Variants in SARNP observed in about 807,000 individuals in gnomAD.
The protein encoded by SARNP is SAP domain containing ribonucleoprotein.
A neutral mutation model predicts 38.1 loss-of-function variants in SARNP; 5 were observed. The ratio of observed to expected loss-of-function variants is 0.13; its 90% CI spans 0.07 to 0.28. SARNP has a LOEUF of 0.28. Among genes scored for constraint, SARNP ranks in the 10% least tolerant of loss-of-function variants. SARNP has a pLI of 1.00. For missense variants in SARNP, 180 were observed against 243.9 expected (o/e 0.74, Z 1.75); for synonymous variants, 84 against 80.6 (o/e 1.04, Z -0.23).
intron 9 of SARNP, 139 bp from the exon 10 acceptor site, chr12:55,760,779 T>C: frequency 4.7e-6 from 3 of 636,650 alleles, no homozygotes; most frequent in South Asian, 1.9e-5. Flanking sequence ...AGAGATAAGA[T>C]ACATAAGAAA....
intron 4 of SARNP, among the ~76,000 whole-genome samples, chr12:55,796,667 T>C (rs1303660548): frequency 6.6e-6 from 1 of 152,166 alleles, no homozygotes; most frequent in Non-Finnish European, 1.5e-5. Flanking sequence ...CCTCCCAAAG[T>C]ACTGGGATTA....
chr12:55,764,016 C>G (rs1005059610), intron 9 of SARNP, among the ~76,000 whole-genome samples: 4 of 152,126 alleles, frequency 2.6e-5, no homozygotes, highest in African/African-American at 9.7e-5. Flanking sequence ...CACTAGAACC[C>G]TTAGCTAAAA....
chr12:55,807,959 T>A (rs1393813819), intron 1 of SARNP, among the ~76,000 whole-genome samples: 1 of 152,230 alleles, frequency 6.6e-6, no homozygotes, highest in East Asian at 1.9e-4. Context: ...TTATGTTCAC[T>A]GTAGAATAGT....
rs1319106938 is a variant in SARNP, at chr12:55,803,623, A to G, written c.136+6T>C. On this transcript the variant is annotated splice_donor_region_variant and intron_variant, in intron 2 of 10. Transcript: ENST00000336133. ...TCACATCACTCCGCCTCCACAAAGT[A>G]CTCACCATGTTCTTCAAGATATGCC... 1.3e-6 allele frequency: 2 copies of G among 1,581,168 alleles called. No homozygotes were observed. Among genetic ancestry groups the G allele is most frequent in the Non-Finnish European group, 1.7e-6 (2 of 1,153,650 alleles).
intron 9 of SARNP, among the ~76,000 whole-genome samples, chr12:55,766,896 AGTCTCTGCC>A (rs1461449206): frequency 6.6e-6 from 1 of 151,768 alleles, no homozygotes; most frequent in Non-Finnish European, 1.5e-5. Context: ...TCTGCCTCCT[AGTCTCTGCC>A]TCCCAAAGTG....
chr12:55,790,024 C>A (rs1470058270), intron 8 of SARNP, among the ~76,000 whole-genome samples: 2 of 150,602 alleles, frequency 1.3e-5, no homozygotes, highest in Admixed American at 6.6e-5. Context: ...TAAACAGCAA[C>A]CCCTAAAGCA....
At chr12:55,752,931 C>T (rs1375966046), downstream of SARNP, 1 of 152,124 alleles carries the variant, frequency 6.6e-6, no homozygotes, top group Admixed American at 6.5e-5. Flanking sequence ...CCTTGGAGAA[C>T]CGGAGGTGAA....
intron 7 of SARNP, 98 bp from the exon 8 acceptor site, chr12:55,790,690 T>C: frequency 8.4e-7 from 1 of 1,189,228 alleles, no homozygotes; most frequent in Middle Eastern, 2.1e-4. Context: ...TCCTTTATCC[T>C]ATGATGACAA....
intron 9 of SARNP, among the ~76,000 whole-genome samples, chr12:55,776,505 G>C (rs1403762733): frequency 6.6e-6 from 1 of 152,128 alleles, no homozygotes. Flanking sequence ...ATCATCTCTA[G>C]AGTACTTATG....
At chr12:55,809,282 T>C (rs1433032645) in intron 1 of SARNP, among the ~76,000 whole-genome samples, 1 of 150,906 alleles carries the variant, frequency 6.6e-6, no homozygotes, top group African/African-American at 2.4e-5. Flanking sequence ...GTAAGGCTAT[T>C]GAAAAAAAAA....
Position 55,789,591 on chromosome 12 carries a change from C to T in SARNP, c.433-448G>A, listed in dbSNP as rs751634609. On this transcript the variant is annotated intron_variant, in intron 8 of 10. Transcript: ENST00000336133. ...GACAACCTATAACTACTACCCAACT[C>T]GATTCTCTTCCCTCCTCTTTCTTGG... Among the ~76,000 whole-genome samples, 11 of 152,184 alleles carry T rather than the reference C, an allele frequency of 7.2e-5. 1 individual carries two copies. Among genetic ancestry groups the T allele is most frequent in the Admixed American group, 7.2e-4 (11 of 15,262 alleles).
chr12:55,790,946 A>G (rs1336059527), intron 7 of SARNP, among the ~76,000 whole-genome samples: 1 of 152,332 alleles, frequency 6.6e-6, no homozygotes, highest in East Asian at 1.9e-4. Context: ...TTAAAGAAAA[A>G]CACCCATCAA....
chr12:55,807,813 C>CA (rs57965695), intron 1 of SARNP, among the ~76,000 whole-genome samples: 1,221 of 89,568 alleles, frequency 0.014, 9 homozygotes, highest in African/African-American at 0.016. Flanking sequence ...GACTTTGTCT[C>CA]AAAAAAAAAA....
At chr12:55,816,217 G>T (rs959716768) in intron 1 of SARNP, among the ~76,000 whole-genome samples, 4 of 152,142 alleles carry the variant, frequency 2.6e-5, no homozygotes, top group African/African-American at 9.7e-5. Context: ...GGACAAATAG[G>T]AAGAAAATAT....
intron 7 of SARNP, 40 bp from the exon 8 acceptor site, chr12:55,790,632 G>C: frequency 6.9e-7 from 1 of 1,454,266 alleles, no homozygotes; most frequent in Non-Finnish European, 9.1e-7. Flanking sequence ...ATTTTTAAAA[G>C]TCATCAAAGC....
At chr12:55,772,746 C>G (rs1393604551) in intron 9 of SARNP, among the ~76,000 whole-genome samples, 2 of 133,328 alleles carry the variant, frequency 1.5e-5, no homozygotes, top group East Asian at 4.4e-4. Context: ...CAGAGTTTTG[C>G]TCTTTCTGCC....
At chr12:55,800,808 A>G (rs1383480801) in intron 3 of SARNP, 46 bp downstream of exon 3, 3 of 1,515,810 alleles carry the variant, frequency 2.0e-6, no homozygotes, top group African/African-American at 2.7e-5. Context: ...ATGTGGCCAA[A>G]GCAGTGGCAC....
chr12:55,772,325 T>C lies in SARNP; in HGVS notation c.502-11685A>G, dbSNP rs138453962. 1.8e-3 allele frequency among the ~76,000 whole-genome samples: 275 copies of C among 152,322 alleles called. 1 individual carries two copies. Among genetic ancestry groups the C allele is most frequent in the African/African-American group, 6.1e-3 (254 of 41,570 alleles). On this transcript the variant is annotated intron_variant, in intron 9 of 10. Transcript: ENST00000336133. Reference sequence around the variant, plus strand: ...AGGGCTGGTAGGGTGCTAGGAACTTTAAAGTTACACGACAATTAGAGAACA... The same window carrying C: ...AGGGCTGGTAGGGTGCTAGGAACTTCAAAGTTACACGACAATTAGAGAACA...
At chr12:55,811,983 T>G (rs1280405436) in intron 1 of SARNP, among the ~76,000 whole-genome samples, 1 of 152,196 alleles carries the variant, frequency 6.6e-6, no homozygotes, top group Admixed American at 6.5e-5. Context: ...CTCAACAAAG[T>G]AACAGAGTGA....
Sources: allele counts gnomAD v4.1 joint callset (sites outside exome capture counted in the v4.1 genomes callset), GRCh38; gene constraint gnomAD v4.1.1; transcripts MANE v1.5; gene names NCBI Gene and HGNC (gene_info 2026-07-23, HGNC 2026-07-21).